Variants in RABGAP1L observed in about 807,000 individuals in gnomAD.
The protein encoded by RABGAP1L is rab GTPase-activating protein 1-like.
A neutral mutation model predicts 137.7 loss-of-function variants in RABGAP1L; 63 were observed. The observed-to-expected ratio is 0.46, with a 90% CI of 0.37 to 0.56. The LOEUF is 0.56. Ranked by LOEUF, RABGAP1L falls within the 20% of genes least tolerant of loss-of-function variation. The pLI, the probability that RABGAP1L is intolerant of heterozygous loss-of-function variation, is 0.00. For missense variants in RABGAP1L, 1,095 were observed against 1,244.0 expected (o/e 0.88, Z 1.80); for synonymous variants, 431 against 433.7 (o/e 0.99, Z 0.08).
intron 19 of RABGAP1L, among the ~76,000 whole-genome samples, chr1:174,834,617 C>T (rs1267057734): frequency 6.6e-6 from 1 of 150,512 alleles, no homozygotes; most frequent in Non-Finnish European, 1.5e-5. Flanking sequence ...CCCCCGCCGC[C>T]CCCCATTAAC....
intron 19 of RABGAP1L, among the ~76,000 whole-genome samples, chr1:174,912,174 C>T (rs1351075510): frequency 6.6e-6 from 1 of 152,210 alleles, no homozygotes; most frequent in Non-Finnish European, 1.5e-5. Flanking sequence ...GGGTCTCTCT[C>T]TGTCACCCAG....
chr1:174,738,944 A>G (rs925223174), intron 17 of RABGAP1L, among the ~76,000 whole-genome samples: 1 of 152,110 alleles, frequency 6.6e-6, no homozygotes, highest in African/African-American at 2.4e-5. Flanking sequence ...TCACTTTTAA[A>G]TTGTTTTTGT....
rs1691924127 is a variant in RABGAP1L, at chr1:174,829,883, TATCTGCA to T, written c.2340+17924_2340+17930del. 2.0e-5 allele frequency among the ~76,000 whole-genome samples: 3 copies of T among 148,542 alleles called. 1 individual carries two copies. The Admixed American group carries it at 2.0e-4, about 10-fold the overall frequency. ...ATAAATTCAAAGACTGTCATGAGTA[TATCTGCA>T]TATTTATGGTTGCCCATTGTATCAA... On this transcript the variant is annotated intron_variant, in intron 19 of 25. Transcript: ENST00000681986.
intron 13 of RABGAP1L, among the ~76,000 whole-genome samples, chr1:174,609,849 A>T (rs999831472): frequency 2.0e-5 from 3 of 152,142 alleles, no homozygotes; most frequent in Admixed American, 2.0e-4. Flanking sequence ...TATAAAATGA[A>T]GTAAAGCTCA....
intron 3 of RABGAP1L, among the ~76,000 whole-genome samples, chr1:174,230,280 G>A (rs1463876331): frequency 1.3e-5 from 2 of 151,694 alleles, no homozygotes; most frequent in African/African-American, 4.8e-5. Flanking sequence ...ATAGCATTAG[G>A]AGATATACCT....
At chr1:174,657,993 C>T (rs573705631) in intron 14 of RABGAP1L, among the ~76,000 whole-genome samples, 1 of 152,150 alleles carries the variant, frequency 6.6e-6, no homozygotes, top group South Asian at 2.1e-4. Context: ...AATGATAATT[C>T]TCTGGGAATA....
intron 20 of RABGAP1L, among the ~76,000 whole-genome samples, chr1:174,959,555 G>A (rs1558283828): frequency 6.6e-6 from 1 of 152,112 alleles, no homozygotes; most frequent in Non-Finnish European, 1.5e-5. Context: ...AGTTTTTATT[G>A]AGAGATCAAA....
At chr1:174,526,361 G>A (rs966939152) in intron 13 of RABGAP1L, among the ~76,000 whole-genome samples, 2 of 152,130 alleles carry the variant, frequency 1.3e-5, no homozygotes, top group African/African-American at 2.4e-5. Flanking sequence ...TTCATGATAT[G>A]AGTTAGGGAA....
intron 13 of RABGAP1L, among the ~76,000 whole-genome samples, chr1:174,396,053 C>T (rs1409160301): frequency 6.6e-6 from 1 of 151,834 alleles, no homozygotes; most frequent in African/African-American, 2.4e-5. Context: ...ACTGCTATAA[C>T]AAACATATTA....
intron 3 of RABGAP1L, among the ~76,000 whole-genome samples, chr1:174,224,205 G>A (rs1669990250): frequency 6.6e-6 from 1 of 152,190 alleles, no homozygotes; most frequent in Non-Finnish European, 1.5e-5. Context: ...CCTGGGCATG[G>A]TGGCTCACAC....
At chr1:174,390,434 A>G (rs1687130001) in intron 12 of RABGAP1L, among the ~76,000 whole-genome samples, 1 of 152,196 alleles carries the variant, frequency 6.6e-6, no homozygotes, top group South Asian at 2.1e-4. Flanking sequence ...GTGTGTATGC[A>G]TGTGTAGGAA....
intron 18 of RABGAP1L, among the ~76,000 whole-genome samples, chr1:174,769,043 C>A (rs1203637423): frequency 1.3e-5 from 2 of 152,154 alleles, no homozygotes; most frequent in Admixed American, 6.5e-5. Flanking sequence ...TCACTGTAAC[C>A]ACCTGACAGG....
At chr1:174,781,205 A>G (rs1055692869) in intron 18 of RABGAP1L, among the ~76,000 whole-genome samples, 7 of 152,220 alleles carry the variant, frequency 4.6e-5, no homozygotes, top group South Asian at 2.1e-4. Context: ...AAATGTTCCT[A>G]TTTCTCCACA....
In RABGAP1L at chr1:174,783,707, C is replaced by CTTTTTT. The variant is rs34367315; in HGVS notation, c.2212-28110_2212-28105dup. Among the ~76,000 whole-genome samples the CTTTTTT allele has an allele frequency of 1.2e-3, 127 of 102,446 alleles. 2 individuals are homozygous for CTTTTTT. Among genetic ancestry groups the CTTTTTT allele is most frequent in the Non-Finnish European group, 1.4e-3 (72 of 52,140 alleles). 67.2% of individuals were successfully genotyped at this position (102,446 alleles called of 152,430 possible). On this transcript the variant is annotated intron_variant, in intron 18 of 25. Coordinates refer to ENST00000681986, the MANE Select transcript of RABGAP1L (RefSeq NM_001366446.1). ...TTTGATATGTTTTCTTCTTCTTCTT[C>CTTTTTT]TTTTTTTTTTTTTTTTTTTTGAGAT...
chr1:174,575,818 T>A (rs1302894107), intron 13 of RABGAP1L, among the ~76,000 whole-genome samples: 1 of 152,176 alleles, frequency 6.6e-6, no homozygotes, highest in Non-Finnish European at 1.5e-5. Flanking sequence ...TAGTGAAAGC[T>A]GGGTCCAGGA....
At chr1:174,334,806 A>T (rs1282355302) in intron 11 of RABGAP1L, among the ~76,000 whole-genome samples, 1 of 152,240 alleles carries the variant, frequency 6.6e-6, no homozygotes, top group African/African-American at 2.4e-5. Flanking sequence ...CAATAAAGGG[A>T]TAGTAATGTC....
At chr1:174,421,943 A>G (rs931793123) in intron 13 of RABGAP1L, among the ~76,000 whole-genome samples, 2 of 151,922 alleles carry the variant, frequency 1.3e-5, no homozygotes, top group African/African-American at 2.4e-5. Flanking sequence ...TAATTTTTGT[A>G]TTTTTAGTAG....
intron 20 of RABGAP1L, among the ~76,000 whole-genome samples, chr1:174,963,658 G>T (rs1669365085): frequency 6.6e-6 from 1 of 151,690 alleles, no homozygotes; most frequent in African/African-American, 2.4e-5. Context: ...GTAGAGCAAG[G>T]ATCTGCAGAC....
intron 6 of RABGAP1L, among the ~76,000 whole-genome samples, chr1:174,251,086 C>T (rs1394512238): frequency 6.6e-6 from 1 of 152,196 alleles, no homozygotes; most frequent in Non-Finnish European, 1.5e-5. Flanking sequence ...TAAGTGTGAG[C>T]CACCGCGCTT....
Sources: gnomAD v4.1 joint callset for allele counts (sites outside exome capture counted in the v4.1 genomes callset) on GRCh38, gnomAD v4.1.1 for gene constraint, MANE v1.5 for transcripts, NCBI Gene and HGNC (gene_info 2026-07-23, HGNC 2026-07-21) for gene names.